APP: variants seen among roughly 807,000 people sequenced by gnomAD.
APP encodes amyloid-beta precursor protein.
Under a neutral mutation model 101.4 loss-of-function variants are expected in APP, and 31 were observed. That is an observed-to-expected ratio of 0.31 (90% confidence interval 0.23 to 0.41). The LOEUF (loss-of-function observed/expected upper bound fraction) is 0.41, where lower values mean the gene tolerates loss of function less well. Among genes scored for constraint, APP ranks in the 10% least tolerant of loss-of-function variants. The probability of loss-of-function intolerance (pLI) is 1.00; values close to 1 mark genes in which losing one functional copy is unlikely to be tolerated. For synonymous variants in APP, 366 were observed against 364.4 expected (o/e 1.00, Z -0.05); for missense variants, 839 against 1,003.7 (o/e 0.84, Z 2.22).
At chr21:26,124,583 T>C (rs9305280) in intron 1 of APP, among the ~76,000 whole-genome samples, 148,884 of 152,330 alleles carry the variant, frequency 0.98, 72,771 homozygotes, top group East Asian at 1. Context: ...TTAATCCTGC[T>C]GCTAAAAGCC....
intron 5 of APP, among the ~76,000 whole-genome samples, chr21:26,032,282 C>T (rs537971702): frequency 6.6e-6 from 1 of 151,912 alleles, no homozygotes; most frequent in South Asian, 2.1e-4. Context: ...CAAATAGACA[C>T]CCCTAGCACA....
At chr21:25,994,481 T>C (rs1304275597) in intron 8 of APP, among the ~76,000 whole-genome samples, 4 of 152,208 alleles carry the variant, frequency 2.6e-5, no homozygotes, top group Admixed American at 1.3e-4. Context: ...TGACAAAAGT[T>C]TGAAACCTAG....
At chr21:25,928,734 G>A (rs976200368) in intron 13 of APP, 3 of 147,090 alleles carry the variant, frequency 2.0e-5, no homozygotes, top group African/African-American at 7.6e-5. Flanking sequence ...AAAAATAGAA[G>A]TGAATGTAAT....
intron 5 of APP, among the ~76,000 whole-genome samples, chr21:26,024,294 T>G (rs2044472860): frequency 6.6e-6 from 1 of 151,480 alleles, no homozygotes; most frequent in Non-Finnish European, 1.5e-5. Context: ...TATGCTGACA[T>G]TATAATGTAC....
At chr21:26,135,900 G>A (rs527369931) in intron 1 of APP, among the ~76,000 whole-genome samples, 15 of 152,068 alleles carry the variant, frequency 9.9e-5, no homozygotes, top group South Asian at 2.1e-4. Flanking sequence ...CTGGGTGGCC[G>A]AGGCAGGCGG....
rs149486643 is a variant in APP at position 25,982,089 on chromosome 21, C to T, written c.1224+255G>A. 1.5e-4 allele frequency among the ~76,000 whole-genome samples: 23 copies of T among 152,276 alleles called. No homozygotes were observed. In the East Asian group the frequency reaches 3.5e-3, roughly 23 times the overall value. On this transcript the variant is annotated intron_variant, in intron 9 of 17. Coordinates refer to ENST00000346798, the MANE Select transcript of APP (RefSeq NM_000484.4). ...AATAATAATGCCAAGTACCTTTCTT[C>T]GCCAGAGAGAATGTTACAGACATCA...
intron 3 of APP, among the ~76,000 whole-genome samples, chr21:26,079,920 TC>T: frequency 6.6e-6 from 1 of 152,130 alleles, no homozygotes; most frequent in East Asian, 1.9e-4. Context: ...GGTCAGAAGT[TC>T]GAAACCAGCC....
chr21:25,945,276 C>T (rs1396227138), intron 13 of APP, among the ~76,000 whole-genome samples: 2 of 150,868 alleles, frequency 1.3e-5, no homozygotes, highest in South Asian at 2.1e-4. Context: ...GGAATCATTT[C>T]GAGGCAAATA....
chr21:26,168,970 T>C (rs2063678770), intron 1 of APP, among the ~76,000 whole-genome samples: 1 of 151,974 alleles, frequency 6.6e-6, no homozygotes, highest in African/African-American at 2.4e-5. Flanking sequence ...CGGAAATTGC[T>C]TTTTTTCTTT....
At chr21:26,056,274 G>A (rs1215414605) in intron 3 of APP, among the ~76,000 whole-genome samples, 5 of 152,172 alleles carry the variant, frequency 3.3e-5, no homozygotes, top group Non-Finnish European at 5.9e-5. Context: ...CTAGGCTCAA[G>A]CAATCTGCCT....
At chr21:26,124,505 A>C (rs2146251167) in intron 1 of APP, among the ~76,000 whole-genome samples, 1 of 152,364 alleles carries the variant, frequency 6.6e-6, no homozygotes, top group Non-Finnish European at 1.5e-5. Flanking sequence ...CAGATGATCT[A>C]ACTGGACTCC....
chr21:26,162,290 A>C (rs549673714), intron 1 of APP, among the ~76,000 whole-genome samples: 1 of 152,376 alleles, frequency 6.6e-6, no homozygotes, highest in South Asian at 2.1e-4. Flanking sequence ...ACTGCACTTC[A>C]GCCTGGGTGA....
chr21:26,020,252 G>A (rs2044279178), intron 6 of APP, among the ~76,000 whole-genome samples: 1 of 152,150 alleles, frequency 6.6e-6, no homozygotes, highest in African/African-American at 2.4e-5. Context: ...GAGACAGAAA[G>A]TAGATTAGTT....
chr21:26,108,916 A>T (rs1433712311), intron 2 of APP, among the ~76,000 whole-genome samples: 1 of 152,118 alleles, frequency 6.6e-6, no homozygotes, highest in African/African-American at 2.4e-5. Flanking sequence ...AAAAAAATAA[A>T]TAGATAAAAA....
In APP at chr21:26,000,048, C is replaced by T; in HGVS notation, c.1000G>A (p.Glu334Lys). 5.0e-6 allele frequency: 8 copies of T among 1,614,138 alleles called. No homozygotes were observed. The highest frequency in any genetic ancestry group is 1.3e-5 in the African/African-American group (1 of 75,052). ...CCACACACGGCCATGCAGTACTCTTCTGTGTCAAAGTTGTTCCGGTTGCCG... is the reference window on the plus strand; with the variant it reads ...CCACACACGGCCATGCAGTACTCTTTTGTGTCAAAGTTGTTCCGGTTGCCG... ...CGGNRNNFDT[E>K]EYCMAVCGSA... is the part of the protein sequence containing the mutation. Residue 334 changes from glutamate (E) to lysine (K), a missense_variant, in exon 7 of 18, where the codon GAA becomes AAA. By Grantham distance (56) the Glu-to-Lys change is moderately conservative. Coordinates refer to ENST00000346798, the MANE Select transcript of APP (RefSeq NM_000484.4).
chr21:26,153,939 G>C (rs1477721050), intron 1 of APP, among the ~76,000 whole-genome samples: 2 of 152,092 alleles, frequency 1.3e-5, no homozygotes, highest in African/African-American at 4.8e-5. Flanking sequence ...AATTCTAAAA[G>C]TTCATCCATC....
intron 11 of APP, among the ~76,000 whole-genome samples, chr21:25,961,155 C>G (rs548329170): frequency 6.6e-6 from 1 of 152,254 alleles, no homozygotes; most frequent in South Asian, 2.1e-4. Flanking sequence ...AAGAATGCAA[C>G]TGTTCATCTC....
intron 2 of APP, among the ~76,000 whole-genome samples, chr21:26,105,462 C>T (rs1249101553): frequency 6.6e-6 from 1 of 151,964 alleles, no homozygotes; most frequent in Non-Finnish European, 1.5e-5. Flanking sequence ...TGAGAGTATT[C>T]TTTTCCTTGC....
intron 5 of APP, among the ~76,000 whole-genome samples, chr21:26,037,096 T>C (rs910267205): frequency 6.6e-6 from 1 of 152,170 alleles, no homozygotes. Flanking sequence ...GGAGGACATA[T>C]GTTAAGTGAA....
Sources: gnomAD v4.1 joint callset for allele counts (sites outside exome capture counted in the v4.1 genomes callset) on GRCh38, gnomAD v4.1.1 for gene constraint, MANE v1.5 for transcripts, NCBI Gene and HGNC (gene_info 2026-07-23, HGNC 2026-07-21) for gene names.